Variants in CERS4 observed in about 807,000 individuals in gnomAD.
CERS4 encodes the protein ceramide synthase 4.
A neutral mutation model predicts 51.8 loss-of-function variants in CERS4; 65 were observed. The observed-to-expected ratio is 1.26, with a 90% CI of 1.03 to 1.54. The LOEUF (loss-of-function observed/expected upper bound fraction) is 1.54. Ranked by LOEUF, CERS4 falls within the 40% of genes most tolerant of loss-of-function variation. The pLI is 0.00. For synonymous variants in CERS4, 228 were observed against 208.4 expected (o/e 1.09, Z -0.81); for missense variants, 563 against 500.4 (o/e 1.13, Z -1.19).
intron 10 of CERS4, among the ~76,000 whole-genome samples, chr19:8,260,628 AAC>A (rs1392996092): frequency 1.3e-5 from 2 of 151,908 alleles, no homozygotes; most frequent in East Asian, 3.9e-4. Context: ...TGTGTGAAAT[AAC>A]AGTGGGATTG....
At chr19:8,245,122 A>AAAAAAAAAAAAAAC (rs1555777242) in intron 2 of CERS4, among the ~76,000 whole-genome samples, 5 of 129,276 alleles carry the variant, frequency 3.9e-5, no homozygotes, top group Admixed American at 7.7e-5. Flanking sequence ...AAAAAAAAAA[A>AAAAAAAAAAAAAAC]AAAAAAAAAA....
At chr19:8,217,877 T>C (rs922726159) in intron 2 of CERS4, among the ~76,000 whole-genome samples, 1 of 152,222 alleles carries the variant, frequency 6.6e-6, no homozygotes, top group Admixed American at 6.6e-5. Flanking sequence ...TTTGCCATGC[T>C]GGCCAGACTG....
chr19:8,231,323 GATTTTTTAA>G (rs2145208443), intron 2 of CERS4, among the ~76,000 whole-genome samples: 1 of 152,256 alleles, frequency 6.6e-6, no homozygotes, highest in South Asian at 2.1e-4. Context: ...GAAGAGCAAT[GATTTTTTAA>G]AATTTAACTA....
At chr19:8,256,474 C>A in intron 7 of CERS4, 144 bp from the exon 8 acceptor site, 1 of 964,924 alleles carries the variant, frequency 1.0e-6, no homozygotes, top group Non-Finnish European at 1.6e-6. Context: ...AAACCACTGC[C>A]CTTGATTACC....
intron 2 of CERS4, chr19:8,241,506 T>C (rs1402652351): frequency 1.3e-5 from 2 of 152,142 alleles, no homozygotes; most frequent in African/African-American, 4.8e-5. Flanking sequence ...TGTCTTGCTA[T>C]GTTGCCCTGG....
intron 2 of CERS4, among the ~76,000 whole-genome samples, chr19:8,242,785 G>A (rs1413265555): frequency 6.6e-6 from 1 of 152,162 alleles, no homozygotes; most frequent in Non-Finnish European, 1.5e-5. Flanking sequence ...GATATGGTCT[G>A]GTGGGAGCAG....
At chr19:8,259,200 C>T (rs1311235682) in intron 10 of CERS4, among the ~76,000 whole-genome samples, 2 of 152,126 alleles carry the variant, frequency 1.3e-5, no homozygotes, top group South Asian at 2.1e-4. Context: ...ATTAGAATGG[C>T]AGGTAATGCC....
chr19:8,239,498 G>C (rs1181066485), intron 2 of CERS4: 3 of 152,244 alleles, frequency 2.0e-5, no homozygotes, highest in African/African-American at 7.2e-5. Context: ...TGCTTTTTGG[G>C]GAAACTTTAA....
chr19:8,241,558 G>A (rs1187520690), intron 2 of CERS4: 1 of 152,090 alleles, frequency 6.6e-6, no homozygotes, highest in Admixed American at 6.6e-5. Context: ...TCCCACTTCG[G>A]CCTCTCAAAG....
intron 2 of CERS4, among the ~76,000 whole-genome samples, chr19:8,221,752 A>T (rs184902922): frequency 6.6e-6 from 1 of 151,038 alleles, no homozygotes; most frequent in Admixed American, 6.6e-5. Context: ...GGTCGAACTC[A>T]TGACCTCAAG....
chr19:8,238,043 C>A (rs189154666), intron 2 of CERS4, among the ~76,000 whole-genome samples: 5 of 152,030 alleles, frequency 3.3e-5, no homozygotes, highest in African/African-American at 7.2e-5. Flanking sequence ...GTAATCCCCC[C>A]CCACAATCCC....
chr19:8,241,682 T>G (rs190063644), intron 2 of CERS4, among the ~76,000 whole-genome samples: 131 of 152,268 alleles, frequency 8.6e-4, no homozygotes, highest in African/African-American at 3.0e-3. Context: ...TTGTTCCATT[T>G]TACAGATAAA....
At chr19:8,233,419 G>A (rs2967626) in intron 2 of CERS4, among the ~76,000 whole-genome samples, 127,984 of 151,592 alleles carry the variant, frequency 0.84, 54,026 homozygotes, top group African/African-American at 0.87. Flanking sequence ...CGCCTGCCTC[G>A]GCCTCCCAGA....
intron 9 of CERS4, 134 bp from the exon 10 acceptor site, chr19:8,257,745 T>TAC (rs1969472137): frequency 1.5e-6 from 1 of 686,798 alleles, no homozygotes; most frequent in Non-Finnish European, 2.6e-6. Context: ...TCACACTCTT[T>TAC]ACCTTTCCTG....
chr19:8,214,809 A>G (rs1967222793), intron 2 of CERS4, among the ~76,000 whole-genome samples: 2 of 151,850 alleles, frequency 1.3e-5, no homozygotes, highest in South Asian at 4.2e-4. Context: ...CCCTCCACAC[A>G]ATGGGGCTCA....
chr19:8,211,189 C>T (rs765819623), intron 2 of CERS4, among the ~76,000 whole-genome samples: 1 of 152,114 alleles, frequency 6.6e-6, no homozygotes, highest in Admixed American at 6.6e-5. Context: ...AGCGGTTGAC[C>T]CAGTGCGTGG....
chr19:8,235,723 A>C (rs1035855586), intron 2 of CERS4, among the ~76,000 whole-genome samples: 1 of 151,098 alleles, frequency 6.6e-6, no homozygotes, highest in Non-Finnish European at 1.5e-5. Flanking sequence ...CCCTCCCCCC[A>C]ATCTCTATAA....
In CERS4 at chr19:8,255,593, C is replaced by T; in HGVS notation, c.292-14C>T. On this transcript the variant is annotated splice_polypyrimidine_tract_variant and intron_variant, in intron 4 of 11. Transcript: ENST00000251363. ...GGGCCTCTGTGACCCTTGTCCTCAT[C>T]ACCCCCTCCCCAGCCCCAGCTGTCT... The T allele has an allele frequency of 6.2e-7, 1 of 1,603,480 alleles. No individual in the cohort carries two copies. The highest frequency in any genetic ancestry group is 8.5e-7 in the Non-Finnish European group (1 of 1,175,314).
intron 2 of CERS4, among the ~76,000 whole-genome samples, chr19:8,244,190 G>A (rs1361091943): frequency 2.0e-5 from 3 of 152,178 alleles, no homozygotes; most frequent in Admixed American, 6.6e-5. Flanking sequence ...AGCCTCTAAA[G>A]CCAGAAAAGG....
Sources: gnomAD v4.1 joint callset for allele counts (sites outside exome capture counted in the v4.1 genomes callset) on GRCh38, gnomAD v4.1.1 for gene constraint, MANE v1.5 for transcripts, NCBI Gene and HGNC (gene_info 2026-07-23, HGNC 2026-07-21) for gene names.